Variants in ABCC4 observed in about 807,000 individuals in gnomAD.
ABCC4 encodes ATP-binding cassette sub-family C member 4.
In ABCC4, 102 loss-of-function variants were observed where a neutral mutation model predicts 168.5. That is an observed-to-expected ratio of 0.61 (90% confidence interval 0.52 to 0.71). The LOEUF (loss-of-function observed/expected upper bound fraction) is 0.71, where lower values mean the gene tolerates loss of function less well. Among genes scored for constraint, ABCC4 ranks in the 30% least tolerant of loss-of-function variants. The pLI is 0.00. For missense variants in ABCC4, 1,402 were observed against 1,605.8 expected (o/e 0.87, Z 2.17); for synonymous variants, 617 against 590.7 (o/e 1.04, Z -0.65).
intron 8 of ABCC4, among the ~76,000 whole-genome samples, chr13:95,205,498 A>G (rs2038753940): frequency 6.6e-6 from 1 of 152,248 alleles, no homozygotes; most frequent in Non-Finnish European, 1.5e-5. Context: ...GCCCTCTCAC[A>G]AAGCCAATTT....
At chr13:95,025,224 C>T (rs2031379544) in intron 30 of ABCC4, among the ~76,000 whole-genome samples, 2 of 38,498 alleles carry the variant, frequency 5.2e-5, no homozygotes, top group Non-Finnish European at 5.1e-5. Context: ...CACACACCCC[C>T]ACACACACCC....
intron 1 of ABCC4, among the ~76,000 whole-genome samples, chr13:95,290,220 C>T (rs897078144): frequency 7.2e-5 from 11 of 152,110 alleles, no homozygotes; most frequent in Non-Finnish European, 1.5e-4. Context: ...GGGGAACAGA[C>T]ATCCATATTT....
chr13:95,116,270 A>G (rs922991703), intron 19 of ABCC4, among the ~76,000 whole-genome samples: 1 of 152,186 alleles, frequency 6.6e-6, no homozygotes, highest in African/African-American at 2.4e-5. Context: ...TGACAGTATC[A>G]GGAAGGGTTG....
At chr13:95,210,827 C>G (rs755313956) in intron 4 of ABCC4, 46 bp from the exon 5 acceptor site, 2 of 1,447,690 alleles carry the variant, frequency 1.4e-6, no homozygotes, top group South Asian at 2.3e-5. Flanking sequence ...TGCAGTGATA[C>G]TAAGTCAGGC....
At chr13:95,070,134 C>T (rs952046487) in intron 25 of ABCC4, among the ~76,000 whole-genome samples, 26 of 152,072 alleles carry the variant, frequency 1.7e-4, no homozygotes, top group African/African-American at 5.8e-4. Context: ...ATCCCAGCTA[C>T]GGGGGAGGTT....
intron 3 of ABCC4, among the ~76,000 whole-genome samples, chr13:95,242,760 T>C (rs1441595020): frequency 6.6e-6 from 1 of 152,174 alleles, no homozygotes; most frequent in Non-Finnish European, 1.5e-5. Context: ...ACTACCTTCA[T>C]CTTAAGAAAT....
chr13:95,244,907 A>AAAAG (rs4148449), intron 3 of ABCC4, among the ~76,000 whole-genome samples: 79,918 of 150,330 alleles, frequency 0.53, 21,846 homozygotes, highest in African/African-American at 0.66. Flanking sequence ...CCACCCCGCT[A>AAAAG]AAAGACCAGC....
intron 19 of ABCC4, among the ~76,000 whole-genome samples, chr13:95,131,625 T>A (rs534028032): frequency 4.0e-5 from 6 of 151,478 alleles, no homozygotes; most frequent in Non-Finnish European, 8.8e-5. Context: ...CAAGACTGTC[T>A]CAAAAAAAAA....
At chr13:95,242,933 TG>T (rs1275545016) in intron 3 of ABCC4, among the ~76,000 whole-genome samples, 1 of 152,182 alleles carries the variant, frequency 6.6e-6, no homozygotes, top group Admixed American at 6.5e-5. Flanking sequence ...TTTAGCTCCC[TG>T]AACTTCACTG....
At chr13:95,236,843 G>T (rs926675530) in intron 3 of ABCC4, among the ~76,000 whole-genome samples, 1 of 152,126 alleles carries the variant, frequency 6.6e-6, no homozygotes, top group Non-Finnish European at 1.5e-5. Flanking sequence ...GTCATAACAC[G>T]GACTGTTTAG....
At chr13:95,171,005 C>T (rs763491493) in intron 13 of ABCC4, among the ~76,000 whole-genome samples, 11 of 151,920 alleles carry the variant, frequency 7.2e-5, no homozygotes, top group Non-Finnish European at 1.5e-4. Flanking sequence ...CGGCATTTTT[C>T]TTGGACGGTT....
chr13:95,206,907 T>C, intron 7 of ABCC4, 126 bp from the exon 8 acceptor site: 1 of 1,035,052 alleles, frequency 9.7e-7, no homozygotes, highest in Non-Finnish European at 1.4e-6. Flanking sequence ...TTTGAGACCA[T>C]CCTGGGCAAC....
At chr13:95,238,758 A>C (rs1469060768) in intron 3 of ABCC4, among the ~76,000 whole-genome samples, 2 of 152,096 alleles carry the variant, frequency 1.3e-5, no homozygotes, top group African/African-American at 2.4e-5. Flanking sequence ...GGATTTCACC[A>C]TATTGTCCAG....
chr13:95,059,762 C>T (rs192942633), intron 26 of ABCC4, among the ~76,000 whole-genome samples: 18 of 152,212 alleles, frequency 1.2e-4, no homozygotes, highest in Admixed American at 5.9e-4. Flanking sequence ...TCTAGAATAG[C>T]GAGTAGCAAT....
chr13:95,264,818 A>T (rs1308835095), intron 1 of ABCC4, among the ~76,000 whole-genome samples: 1 of 151,760 alleles, frequency 6.6e-6, no homozygotes, highest in Non-Finnish European at 1.5e-5. Flanking sequence ...TATTTAAGAA[A>T]CATGCACTAA....
In ABCC4 at chr13:95,202,759, G is replaced by A. The variant is rs180896446; in HGVS notation, c.1161+3773C>T. 4.5e-3 allele frequency among the ~76,000 whole-genome samples: 652 copies of A among 145,904 alleles called. 4 individuals are homozygous for A. Among genetic ancestry groups the A allele is most frequent in the Non-Finnish European group, 7.1e-3 (478 of 67,144 alleles). ...CACCTCCCGGGTTCAAGCAATTCTCGTGCCTTGGCCTCCAGAGTAGCTGGG... is the reference window on the plus strand; with the variant it reads ...CACCTCCCGGGTTCAAGCAATTCTCATGCCTTGGCCTCCAGAGTAGCTGGG... On this transcript the variant is annotated intron_variant, in intron 8 of 30. Coordinates refer to ENST00000645237, the MANE Select transcript of ABCC4 (RefSeq NM_005845.5).
At chr13:95,298,665 C>T (rs2041598382) in intron 1 of ABCC4, among the ~76,000 whole-genome samples, 1 of 152,186 alleles carries the variant, frequency 6.6e-6, no homozygotes, top group Non-Finnish European at 1.5e-5. Flanking sequence ...CCTTCCAGAA[C>T]AGGGAGCGCC....
chr13:95,154,305 G>A (rs568729746), intron 19 of ABCC4, among the ~76,000 whole-genome samples: 5 of 152,100 alleles, frequency 3.3e-5, no homozygotes, highest in African/African-American at 4.8e-5. Flanking sequence ...TTTACAATAC[G>A]CATCAGGCAA....
Position 95,073,350 on chromosome 13 carries a change from C to G in ABCC4, c.2918-46G>C. ...GAATAAAGTCAGTCTCACTTCAAAC[C>G]TAAGCCTGGCTCCTTCTGCCACTTA... On this transcript the variant is annotated intron_variant, in intron 23 of 30. Transcript: ENST00000645237. The G allele has an allele frequency of 2.1e-6, 3 of 1,444,802 alleles. No individual in the cohort carries two copies. In the South Asian group the frequency reaches 3.6e-5, roughly 18 times the overall value. 89.5% of individuals were successfully genotyped at this position (1,444,802 alleles called of 1,614,324 possible). A position where few individuals can be genotyped will look rare whatever the true frequency, so the allele number is the denominator to read the frequency against.
Sources: allele counts gnomAD v4.1 joint callset (sites outside exome capture counted in the v4.1 genomes callset), GRCh38; gene constraint gnomAD v4.1.1; transcripts MANE v1.5; gene names NCBI Gene and HGNC (gene_info 2026-07-23, HGNC 2026-07-21).